The following MTUS1 variants were observed in gnomAD, a reference collection of about 807,000 sequenced individuals.
The protein encoded by MTUS1 is microtubule associated scaffold protein 1, also known as microtubule-associated tumor suppressor 1.
MTUS1 carries 109 observed loss-of-function variants against 120.8 expected under a neutral mutation model. That is an observed-to-expected ratio of 0.90 (90% CI 0.77 to 1.06). MTUS1 has a LOEUF of 1.06. MTUS1 is among the 50% of genes least tolerant of loss of function. The probability of loss-of-function intolerance (pLI) is 0.00; values close to 1 mark genes in which losing one functional copy is unlikely to be tolerated. For synonymous variants in MTUS1, 737 were observed against 550.5 expected (o/e 1.34, Z -4.74); for missense variants, 2,210 against 1,486.3 (o/e 1.49, Z -8.01).
chr8:17,751,174 C>A (rs2048159369), intron 2 of MTUS1, among the ~76,000 whole-genome samples: 1 of 152,156 alleles, frequency 6.6e-6, no homozygotes, highest in Non-Finnish European at 1.5e-5. Flanking sequence ...AAAAATTAGC[C>A]AGGCATGTGC....
chr8:17,722,111 C>G, intron 4 of MTUS1: 2 of 1,291,146 alleles, frequency 1.5e-6, no homozygotes, highest in Non-Finnish European at 2.0e-6. Flanking sequence ...AACAGGAACA[C>G]ATCGCCACTA....
chr8:17,753,949 G>C lies in MTUS1; in HGVS notation c.1859C>G (p.Ser620Cys), dbSNP rs769550798. 12 of 1,614,074 alleles carry C rather than the reference G, an allele frequency of 7.4e-6. No homozygotes were observed. Among genetic ancestry groups the C allele is most frequent in the African/African-American group, 5.3e-5 (4 of 74,924 alleles). The part of the protein sequence containing the change: ...SNQEDVDKAS[S>C]SNSACETGSV... ...CCCGGTCTCGCATGCTGAGTTAGAA[G>C]AACTGGCTTTGTCAACATCTTCCTG... The change falls in exon 2 of 15, where the codon TCT becomes TGT. Residue 620 changes from serine (S) to cysteine (C), a missense_variant. By Grantham distance (112) the Ser-to-Cys change is moderately radical (BLOSUM62 -1). Transcript: ENST00000693296.
At chr8:17,722,273 C>T in intron 4 of MTUS1, 2 of 988,668 alleles carry the variant, frequency 2.0e-6, no homozygotes, top group South Asian at 9.4e-5. Context: ...GGGGCTGTGG[C>T]ACTACAGACT....
intron 13 of MTUS1, chr8:17,647,325 T>C (rs1585371967): frequency 2.6e-6 from 1 of 386,346 alleles, no homozygotes; most frequent in South Asian, 4.2e-5. Flanking sequence ...GGTAACAGAT[T>C]TGTTCCAGGT....
chr8:17,799,390 T>C (rs1016154556), intron 1 of MTUS1, among the ~76,000 whole-genome samples: 1 of 152,142 alleles, frequency 6.6e-6, no homozygotes, highest in African/African-American at 2.4e-5. Flanking sequence ...AATAGTATAT[T>C]TAGATAAACT....
intron 2 of MTUS1, among the ~76,000 whole-genome samples, chr8:17,750,215 G>C (rs557924159): frequency 1.3e-5 from 2 of 152,280 alleles, no homozygotes; most frequent in African/African-American, 4.8e-5. Context: ...TCACCCATGA[G>C]AACAGCTGGA....
intron 14 of MTUS1, 89 bp downstream of exon 14, chr8:17,646,893 G>A: frequency 1.2e-6 from 1 of 841,304 alleles, no homozygotes; most frequent in South Asian, 1.5e-5. Flanking sequence ...ATATTTCCAG[G>A]AGGTGCAGGG....
chr8:17,676,091 C>A, intron 7 of MTUS1: 1 of 575,222 alleles, frequency 1.7e-6, no homozygotes, highest in Non-Finnish European at 3.1e-6. Flanking sequence ...GAAAAATGCC[C>A]TCACGAGGAT....
At chr8:17,741,868 TAC>T (rs1367982728) in intron 3 of MTUS1, among the ~76,000 whole-genome samples, 3 of 152,134 alleles carry the variant, frequency 2.0e-5, no homozygotes, top group Non-Finnish European at 2.9e-5. Context: ...CTCAGACACT[TAC>T]ACTTTCAAGA....
At chr8:17,697,338 T>G (rs75287318) in intron 6 of MTUS1, 2 of 1,614,158 alleles carry the variant, frequency 1.2e-6, no homozygotes, top group African/African-American at 2.7e-5. Context: ...GTCAGTCGTA[T>G]GTGAATGGTG....
At position 17,659,796 on chromosome 8, in the gene MTUS1, G is replaced by A. The variant is rs192587367; in HGVS notation, c.2906-3731C>T. On this transcript the variant is annotated intron_variant, in intron 8 of 14. Coordinates refer to ENST00000693296, the MANE Select transcript of MTUS1 (RefSeq NM_001363059.2). The stretch of plus-strand genomic sequence containing the variant: ...CAGTGGCATTGAATACACTTACATC[G>A]TTGTGTAAGCTTTGTCATCATCCAT... Among the ~76,000 whole-genome samples the A allele has an allele frequency of 7.4e-4, 113 of 152,250 alleles. 1 individual carries two copies. Among genetic ancestry groups the A allele is most frequent in the Admixed American group, 2.4e-3 (36 of 15,294 alleles).
intron 8 of MTUS1, among the ~76,000 whole-genome samples, chr8:17,662,141 C>T (rs1166869322): frequency 1.3e-5 from 2 of 151,992 alleles, no homozygotes; most frequent in Non-Finnish European, 2.9e-5. Flanking sequence ...TTTATGGTGC[C>T]ACCTGTGTGT....
chr8:17,765,027 TAG>T (rs2131402487), intron 1 of MTUS1, among the ~76,000 whole-genome samples: 1 of 152,302 alleles, frequency 6.6e-6, no homozygotes, highest in East Asian at 1.9e-4. Context: ...TTCCTGTAAG[TAG>T]ACAGTCCCAT....
chr8:17,715,314 A>C (rs1738543559), intron 5 of MTUS1, among the ~76,000 whole-genome samples: 1 of 152,188 alleles, frequency 6.6e-6, no homozygotes, highest in Non-Finnish European at 1.5e-5. Context: ...TACTTTTCAT[A>C]ATCACAGCAA....
chr8:17,665,441 A>T (rs1810682414), intron 8 of MTUS1, among the ~76,000 whole-genome samples: 1 of 152,244 alleles, frequency 6.6e-6, no homozygotes, highest in South Asian at 2.1e-4. Context: ...GCTCTGAACG[A>T]ATAAAATAGG....
chr8:17,794,681 T>C (rs753549021), intron 1 of MTUS1, among the ~76,000 whole-genome samples: 11 of 152,222 alleles, frequency 7.2e-5, no homozygotes, highest in Non-Finnish European at 2.9e-5. Context: ...ATTCTGTAAT[T>C]TGATTAACAA....
rs377438132 is a variant in MTUS1, at chr8:17,675,266, A to C, written c.2839-14T>G. ...TGCTTCCTCCCGCTGCGGAAAACAC[A>C]CATCAAGTTACTCATGCTTTCAAGA... On this transcript the variant is annotated splice_polypyrimidine_tract_variant and intron_variant, in intron 7 of 14. Coordinates refer to ENST00000693296, the MANE Select transcript of MTUS1 (RefSeq NM_001363059.2). 1 of 1,613,298 alleles carries C rather than the reference A, an allele frequency of 6.2e-7. No individual in the cohort carries two copies. Among genetic ancestry groups the C allele is most frequent in the African/African-American group, 1.3e-5 (1 of 74,930 alleles).
chr8:17,685,427 A>T (rs780223541), intron 6 of MTUS1, among the ~76,000 whole-genome samples: 2 of 152,202 alleles, frequency 1.3e-5, no homozygotes, highest in Non-Finnish European at 2.9e-5. Context: ...GAAATAAACA[A>T]GCCAAGTAAT....
intron 6 of MTUS1, among the ~76,000 whole-genome samples, chr8:17,696,086 CCCT>C (rs1214686604): frequency 6.6e-6 from 1 of 152,162 alleles, no homozygotes; most frequent in African/African-American, 2.4e-5. Flanking sequence ...TATTTTTCCC[CCCT>C]ATTAATTTGT....
Sources: gnomAD v4.1 joint callset for allele counts (sites outside exome capture counted in the v4.1 genomes callset) on GRCh38, gnomAD v4.1.1 for gene constraint, MANE v1.5 for transcripts, NCBI Gene and HGNC (gene_info 2026-07-23, HGNC 2026-07-21) for gene names.